The following ADGRL2 variants were observed in gnomAD, a reference collection of about 807,000 sequenced individuals.
ADGRL2 encodes calcium-independent alpha-latrotoxin receptor 2.
Under a neutral mutation model 157.4 loss-of-function variants are expected in ADGRL2, and 44 were observed. The ratio of observed to expected loss-of-function variants is 0.28; its 90% CI spans 0.22 to 0.36. The LOEUF is 0.36. Ranked by LOEUF, ADGRL2 falls within the 10% of genes least tolerant of loss-of-function variation. The pLI, the probability that ADGRL2 is intolerant of heterozygous loss-of-function variation, is 1.00. For synonymous variants in ADGRL2, 585 were observed against 624.7 expected (o/e 0.94, Z 0.95); for missense variants, 1,510 against 1,768.9 (o/e 0.85, Z 2.63).
chr1:81,965,553 T>C (rs1656799595), intron 11 of ADGRL2, among the ~76,000 whole-genome samples: 1 of 152,210 alleles, frequency 6.6e-6, no homozygotes, highest in South Asian at 2.1e-4. Context: ...GTGTAATTTT[T>C]CATATTAAAG....
At chr1:81,683,823 T>A (rs2083171307) in intron 3 of ADGRL2, among the ~76,000 whole-genome samples, 1 of 152,004 alleles carries the variant, frequency 6.6e-6, no homozygotes, top group Non-Finnish European at 1.5e-5. Context: ...TGAGTTCTTT[T>A]TTTTTTCTTT....
chr1:81,470,415 G>T (rs1041604312), intron 2 of ADGRL2, among the ~76,000 whole-genome samples: 2 of 151,942 alleles, frequency 1.3e-5, no homozygotes, highest in Non-Finnish European at 2.9e-5. Flanking sequence ...ACCCCCAACT[G>T]CTCCCTGTAC....
At chr1:81,797,504 A>T (rs1159680334), upstream of ADGRL2, among the ~76,000 whole-genome samples, 1 of 152,160 alleles carries the variant, frequency 6.6e-6, no homozygotes, top group Admixed American at 6.5e-5. Context: ...GAAGTGTCTT[A>T]GCTATAGCCA....
chr1:81,343,914 T>C (rs1173132913), intron 1 of ADGRL2, among the ~76,000 whole-genome samples: 1 of 152,112 alleles, frequency 6.6e-6, no homozygotes, highest in Non-Finnish European at 1.5e-5. Context: ...ATATAAATTT[T>C]GAGGAGACAC....
intron 18 of ADGRL2, chr1:81,980,722 AAG>A (rs1338059735): frequency 1.0e-5 from 6 of 594,226 alleles, no homozygotes; most frequent in African/African-American, 1.9e-5. Context: ...GTTGCATGGT[AAG>A]AGAGAGAGCT....
At chr1:81,732,937 T>G (rs1452061323) in intron 1 of ADGRL2, among the ~76,000 whole-genome samples, 1 of 152,200 alleles carries the variant, frequency 6.6e-6, no homozygotes, top group African/African-American at 2.4e-5. Flanking sequence ...TTGAAGAAAT[T>G]TCAAATACTC....
chr1:81,852,945 G>A (rs1316743718), intron 2 of ADGRL2, among the ~76,000 whole-genome samples: 2 of 152,052 alleles, frequency 1.3e-5, no homozygotes, highest in African/African-American at 4.8e-5. Context: ...AATTTAACCT[G>A]TAAAAATCAA....
chr1:81,821,327 C>T (rs1165407696), intron 1 of ADGRL2, among the ~76,000 whole-genome samples: 3 of 152,098 alleles, frequency 2.0e-5, no homozygotes, highest in South Asian at 4.1e-4. Context: ...TATAAATTTT[C>T]AGCAAAGGCG....
intron 3 of ADGRL2, among the ~76,000 whole-genome samples, chr1:81,670,878 T>C (rs975861337): frequency 6.6e-6 from 1 of 152,034 alleles, no homozygotes; most frequent in Admixed American, 6.6e-5. Context: ...TCCAGCTAAT[T>C]TTTGTATTTT....
chr1:81,426,979 T>C, intron 1 of ADGRL2: 1 of 842,704 alleles, frequency 1.2e-6, no homozygotes, highest in Non-Finnish European at 2.0e-6. Context: ...CTTTTGATGA[T>C]CACGATACAG....
chr1:81,893,014 C>T (rs284211), intron 2 of ADGRL2, among the ~76,000 whole-genome samples: 2 of 151,972 alleles, frequency 1.3e-5, no homozygotes, highest in Non-Finnish European at 2.9e-5. Context: ...GAAACTTCTT[C>T]AAGTTTTGCC....
intron 1 of ADGRL2, among the ~76,000 whole-genome samples, chr1:81,736,142 CAAAAAAAAA>C (rs71085371): frequency 2.2e-5 from 2 of 92,592 alleles, no homozygotes; most frequent in Non-Finnish European, 4.4e-5. Context: ...GACCCCGTCT[CAAAAAAAAA>C]AAAAAAAAAA....
intron 1 of ADGRL2, among the ~76,000 whole-genome samples, chr1:81,713,611 C>T (rs879837977): frequency 6.6e-6 from 1 of 152,174 alleles, no homozygotes; most frequent in Non-Finnish European, 1.5e-5. Context: ...GTAAGTTGAT[C>T]TTATTGTCCC....
chr1:81,518,644 T>A (rs535951042), intron 2 of ADGRL2, among the ~76,000 whole-genome samples: 156 of 152,276 alleles, frequency 1.0e-3, no homozygotes, highest in African/African-American at 3.5e-3. Context: ...ACAGTGACTA[T>A]GGGAGAGGTA....
chr1:81,457,120 A>G (rs949325703), intron 2 of ADGRL2, among the ~76,000 whole-genome samples: 6 of 152,194 alleles, frequency 3.9e-5, no homozygotes, highest in African/African-American at 1.4e-4. Flanking sequence ...TAAAATATGA[A>G]AGGAAACAAA....
chr1:81,963,959 C>A (rs960984696), intron 11 of ADGRL2, among the ~76,000 whole-genome samples: 2 of 150,770 alleles, frequency 1.3e-5, no homozygotes, highest in African/African-American at 4.8e-5. Context: ...TTCTTTTAGT[C>A]AGTTTTATTT....
chr1:81,471,594 A>G (rs2101869524), intron 2 of ADGRL2, among the ~76,000 whole-genome samples: 1 of 152,330 alleles, frequency 6.6e-6, no homozygotes, highest in East Asian at 1.9e-4. Flanking sequence ...TACTCCACTA[A>G]CAGCTGAAAT....
At chr1:81,807,992 A>G (rs1380297128) in intron 1 of ADGRL2, among the ~76,000 whole-genome samples, 4 of 151,834 alleles carry the variant, frequency 2.6e-5, no homozygotes, top group Admixed American at 2.6e-4. Flanking sequence ...CCTATATTTG[A>G]CAAATAAACA....
chr1:81,397,344 G>T, intron 1 of ADGRL2, among the ~76,000 whole-genome samples: 1 of 108,824 alleles, frequency 9.2e-6, no homozygotes, highest in African/African-American at 3.8e-5. Flanking sequence ...TTTTTGAGAT[G>T]GAGTCTTGCT....
Sources: gnomAD v4.1 joint callset for allele counts (sites outside exome capture counted in the v4.1 genomes callset) on GRCh38, gnomAD v4.1.1 for gene constraint, MANE v1.5 for transcripts, NCBI Gene and HGNC (gene_info 2026-07-23, HGNC 2026-07-21) for gene names.